Variants in GFI1B observed in about 807,000 individuals in gnomAD.
GFI1B encodes zinc finger protein Gfi-1b.
Under a neutral mutation model 35.3 loss-of-function variants are expected in GFI1B, and 20 were observed. The observed-to-expected ratio is 0.57, with a 90% CI of 0.40 to 0.82. GFI1B has a LOEUF of 0.82. GFI1B is among the 40% of genes least tolerant of loss of function. The pLI is 0.00. For synonymous variants in GFI1B, 178 were observed against 177.6 expected (o/e 1.00, Z -0.02); for missense variants, 430 against 446.3 (o/e 0.96, Z 0.33).
chr9:132,984,969 C>T (rs1848984311), intron 1 of GFI1B, among the ~76,000 whole-genome samples: 1 of 152,210 alleles, frequency 6.6e-6, no homozygotes, highest in Non-Finnish European at 1.5e-5. Context: ...AAGGCCTTAT[C>T]ACCCAGGCCC....
chr9:132,964,030 C>T lies in GFI1B; in HGVS notation c.-700-8695C>T, dbSNP rs182211539. On this transcript the variant is annotated intron_variant, in intron 1 of 10. Transcript: ENST00000339463. ...CCAAGGTGGGAAGATCACCTGAGGT[C>T]AGGAGTTCAAGACCAGCCTGGCCAA... Among the ~76,000 whole-genome samples the T allele has an allele frequency of 2.6e-4, 39 of 152,212 alleles. No homozygotes were observed. The East Asian group carries it at 6.4e-3, about 25-fold the overall frequency.
At chr9:132,952,071 T>C (rs1848210990) in intron 1 of GFI1B, 1 of 152,082 alleles carries the variant, frequency 6.6e-6, no homozygotes, top group African/African-American at 2.4e-5. Context: ...GCCTGACCTG[T>C]AGTGTATTAT....
intron 1 of GFI1B, among the ~76,000 whole-genome samples, chr9:132,954,438 G>A (rs1229574022): frequency 6.6e-6 from 1 of 151,722 alleles, no homozygotes; most frequent in African/African-American, 2.4e-5. Context: ...AGCCAGATGT[G>A]GTAGTGCATA....
intron 1 of GFI1B, among the ~76,000 whole-genome samples, chr9:132,958,109 C>A (rs975020509): frequency 6.6e-6 from 1 of 151,982 alleles, no homozygotes; most frequent in Admixed American, 6.6e-5. Flanking sequence ...AGTGAGGAGC[C>A]TTGAAGGATT....
Position 132,989,582 on chromosome 9 carries a change from G to C in GFI1B, c.649-160G>C. The C allele has an allele frequency of 1.6e-6, 1 of 616,256 alleles. No individual in the cohort carries two copies. The allele number at this position is 616,256 out of a possible 1,614,324, so 38.2% of individuals were successfully genotyped here. On this transcript the variant is annotated intron_variant, in intron 5 of 6. Coordinates refer to ENST00000372122, the MANE Select transcript of GFI1B (RefSeq NM_001377304.1). The surrounding 1 kb of genome is among the most constrained non-coding windows in gnomAD (Gnocchi z 6.2). ...GAAAAATCCCACAGGAGACCAATGA[G>C]ACTCCAAGCCCCAGTTTCACCTCAG... is the stretch of plus-strand genomic sequence containing the variant.
At chr9:132,981,186 T>C (rs1057001031) in intron 1 of GFI1B, among the ~76,000 whole-genome samples, 8 of 152,206 alleles carry the variant, frequency 5.3e-5, no homozygotes, top group Non-Finnish European at 1.2e-4. Context: ...TGTGAGCCAC[T>C]AAGTCTGGCC....
upstream of GFI1B, among the ~76,000 whole-genome samples, chr9:132,973,945 T>A (rs763358196): frequency 2.3e-4 from 35 of 152,196 alleles, no homozygotes; most frequent in Non-Finnish European, 4.0e-4. Flanking sequence ...GTGCTGGATG[T>A]GCTTGTGACC....
Position 132,987,318 on chromosome 9 carries a change from T to G in GFI1B, c.137T>G (p.Leu46Arg), listed in dbSNP as rs776592642. The G allele has an allele frequency of 8.7e-6, 14 of 1,614,220 alleles. No homozygotes were observed. The South Asian group carries it at 1.5e-4, about 18-fold the overall frequency. Residue 46 changes from leucine (L) to arginine (R), a missense_variant, in exon 3 of 7, where the codon CTT becomes CGT. By Grantham distance (102) the Leu-to-Arg change is moderately radical. Coordinates refer to ENST00000372122, the MANE Select transcript of GFI1B (RefSeq NM_001377304.1). Reference sequence around the variant, plus strand: ...CAGGCTCCAAGCAACAGCCCTGTCCTTAGCACTCTATTCCCAAACCAGTGC... The same window carrying G: ...CAGGCTCCAAGCAACAGCCCTGTCCGTAGCACTCTATTCCCAAACCAGTGC... ...RDQAPSNSPV[L>R]STLFPNQCLD...
rs535281771 is a variant in GFI1B, at chr9:132,963,486, A to AAATT, written c.-700-9238_-700-9237insATTA. Among the ~76,000 whole-genome samples the AAATT allele has an allele frequency of 1.7e-3, 253 of 151,750 alleles. 1 individual carries two copies. Among genetic ancestry groups the AAATT allele is most frequent in the African/African-American group, 5.2e-3 (213 of 41,312 alleles). ...ACAGAGACAGATTCCGTCTCAAAAA[A>AAATT]ATTATTATTATTATTATTGTTATTA... On this transcript the variant is annotated intron_variant, in intron 1 of 10. Coordinates refer to the GFI1B transcript ENST00000339463.
chr9:132,948,446 G>A (rs1451412516), intron 1 of GFI1B, among the ~76,000 whole-genome samples: 2 of 152,184 alleles, frequency 1.3e-5, no homozygotes, highest in Non-Finnish European at 2.9e-5. Context: ...AGTTTCATTG[G>A]ATTTCTGACC....
At chr9:132,963,480 CAAA>C (rs1297708250) in intron 1 of GFI1B, among the ~76,000 whole-genome samples, 1 of 151,454 alleles carries the variant, frequency 6.6e-6, no homozygotes, top group Non-Finnish European at 1.5e-5. Context: ...GATTCCGTCT[CAAA>C]AAAATTATTA....
At chr9:132,975,336 T>A (rs1454972968), upstream of GFI1B, 1 of 152,268 alleles carries the variant, frequency 6.6e-6, no homozygotes, top group African/African-American at 2.4e-5. Flanking sequence ...GTTTCTTCCC[T>A]AATGAACTTG....
chr9:132,969,712 A>C (rs1024918940), intron 1 of GFI1B, among the ~76,000 whole-genome samples: 1 of 152,158 alleles, frequency 6.6e-6, no homozygotes, highest in Non-Finnish European at 1.5e-5. Flanking sequence ...TTTCCAAATG[A>C]GCTTATTACA....
intron 1 of GFI1B, among the ~76,000 whole-genome samples, chr9:132,960,905 C>T (rs182168226): frequency 5.9e-5 from 9 of 152,040 alleles, no homozygotes; most frequent in Middle Eastern, 3.4e-3. Context: ...TAAATTGTGC[C>T]GGGCCACACT....
chr9:132,971,024 G>A (rs1848525232), intron 1 of GFI1B, among the ~76,000 whole-genome samples: 1 of 152,150 alleles, frequency 6.6e-6, no homozygotes, highest in Non-Finnish European at 1.5e-5. Context: ...GAGTTTTATA[G>A]TCAGCTGTTG....
At chr9:132,962,029 C>A (rs1485099960) in intron 1 of GFI1B, among the ~76,000 whole-genome samples, 2 of 150,962 alleles carry the variant, frequency 1.3e-5, no homozygotes, top group African/African-American at 4.9e-5. Context: ...TGTGTGCATT[C>A]TTTCTTTGCT....
At position 132,988,448 on chromosome 9, in the gene GFI1B, C is replaced by T; in HGVS notation, c.490C>T (p.His164Tyr). Residue 164 changes from histidine (H) to tyrosine (Y), a missense_variant, in exon 4 of 7, where the codon CAC becomes TAC. Physicochemically the swap from His to Tyr is moderately conservative, Grantham distance 83. Coordinates refer to ENST00000372122, the MANE Select transcript of GFI1B (RefSeq NM_001377304.1). ...CTACTCCCCAGGCATGGATGCGTAC[C>T]ACTGTGTGAAGTGCAACAAGGTGGG... Reference protein sequence around the residue: ...LRYSPGMDAYHCVKCNKVFST... With the variant: ...LRYSPGMDAYYCVKCNKVFST... 6.8e-6 allele frequency: 11 copies of T among 1,613,822 alleles called. No individual in the cohort carries two copies. The South Asian group carries it at 1.2e-4, about 18-fold the overall frequency.
At chr9:132,988,501 C>T (rs755177921) in intron 4 of GFI1B, 33 bp downstream of exon 4, 1 of 1,598,846 alleles carries the variant, frequency 6.3e-7, no homozygotes, top group Non-Finnish European at 8.5e-7. Flanking sequence ...GGCACCTGGG[C>T]CCTCCTCTCC....
downstream of GFI1B, among the ~76,000 whole-genome samples, chr9:132,993,356 G>A (rs1849335570): frequency 6.6e-6 from 1 of 152,084 alleles, no homozygotes; most frequent in Non-Finnish European, 1.5e-5. Context: ...GTGCTCAGGT[G>A]CCTTCCTCTA....
Sources: allele counts gnomAD v4.1 joint callset (sites outside exome capture counted in the v4.1 genomes callset), GRCh38; gene constraint gnomAD v4.1.1; non-coding constraint Gnocchi (gnomAD v3.1); transcripts MANE v1.5; gene names NCBI Gene and HGNC (gene_info 2026-07-23, HGNC 2026-07-21).